RASAL2: variants seen among roughly 807,000 people sequenced by gnomAD.
RASAL2 encodes the protein RAS protein activator like 2.
Under a neutral mutation model 128.9 loss-of-function variants are expected in RASAL2, and 58 were observed. The ratio of observed to expected loss-of-function variants is 0.45; its 90% confidence interval spans 0.36 to 0.56. RASAL2 has a LOEUF of 0.56. RASAL2 is among the 20% of genes least tolerant of loss of function. RASAL2 has a pLI of 0.00. For synonymous variants in RASAL2, 561 were observed against 580.8 expected, an observed-to-expected ratio of 0.97 and a Z score of 0.49; for missense variants, 1,360 against 1,601.6, an observed-to-expected ratio of 0.85 and a Z score of 2.57.
chr1:178,208,857 G>A (rs1205063573), intron 1 of RASAL2, among the ~76,000 whole-genome samples: 1 of 152,116 alleles, frequency 6.6e-6, no homozygotes, highest in Non-Finnish European at 1.5e-5. Flanking sequence ...CGGCCCAGCT[G>A]TAAAATTCCT....
intron 3 of RASAL2, among the ~76,000 whole-genome samples, chr1:178,377,447 A>T (rs1029829021): frequency 6.6e-6 from 1 of 152,206 alleles, no homozygotes; most frequent in Non-Finnish European, 1.5e-5. Flanking sequence ...AAATCTAGAC[A>T]GTAAACTCTC....
chr1:178,419,004 C>T (rs895276623), intron 4 of RASAL2, among the ~76,000 whole-genome samples: 3 of 152,194 alleles, frequency 2.0e-5, no homozygotes, highest in Middle Eastern at 3.4e-3. Context: ...TTTTATGCCA[C>T]GAAGATTAGG....
At chr1:178,353,629 C>G (rs1468843497) in intron 3 of RASAL2, among the ~76,000 whole-genome samples, 1 of 152,176 alleles carries the variant, frequency 6.6e-6, no homozygotes, top group Non-Finnish European at 1.5e-5. Flanking sequence ...AAGCTTCTTA[C>G]ATATTTTAAG....
At chr1:178,194,395 C>G (rs974212284) in intron 1 of RASAL2, 1 of 223,440 alleles carries the variant, frequency 4.5e-6, no homozygotes. Flanking sequence ...TTGGGCATCT[C>G]TTAGCATGGA....
chr1:178,455,896 G>A (rs915658173), intron 12 of RASAL2, among the ~76,000 whole-genome samples: 1 of 152,198 alleles, frequency 6.6e-6, no homozygotes, highest in Non-Finnish European at 1.5e-5. Context: ...TAAAGAGTTC[G>A]TCTTTGTTGA....
At chr1:178,136,748 C>A (rs1353151121) in intron 1 of RASAL2, among the ~76,000 whole-genome samples, 2 of 81,972 alleles carry the variant, frequency 2.4e-5, no homozygotes, top group East Asian at 7.7e-4. Flanking sequence ...CAAAGTGAGA[C>A]TCTGTCTCAA....
chr1:178,174,537 TG>T (rs1661819203), intron 1 of RASAL2, among the ~76,000 whole-genome samples: 1 of 152,130 alleles, frequency 6.6e-6, no homozygotes, highest in South Asian at 2.1e-4. Flanking sequence ...GAAGAGTTAA[TG>T]GGTACTTTTC....
rs3979280 is a variant in RASAL2 at position 178,180,663 on chromosome 1, TCA to T, written c.202+85997_202+85998del. ...GCCTGGGTGATGGAGCGAGACTGTCTCACACACACACACACACACACACACAC... is the reference window on the plus strand; with the variant it reads ...GCCTGGGTGATGGAGCGAGACTGTCTCACACACACACACACACACACACAC... On this transcript the variant is annotated intron_variant, in intron 1 of 17. Transcript: ENST00000367649. 1.9e-4 allele frequency among the ~76,000 whole-genome samples: 27 copies of T among 139,210 alleles called. No homozygotes were observed. The East Asian group carries it at 3.5e-3, about 18-fold the overall frequency. 91.3% of individuals were successfully genotyped at this position (139,210 alleles called of 152,430 possible).
chr1:178,188,928 C>T (rs566906798), intron 1 of RASAL2, among the ~76,000 whole-genome samples: 6 of 152,130 alleles, frequency 3.9e-5, no homozygotes, highest in African/African-American at 1.4e-4. Flanking sequence ...ACTGAGTTCA[C>T]TTAATATAGA....
At chr1:178,333,195 A>G (rs1304334159) in intron 3 of RASAL2, among the ~76,000 whole-genome samples, 6 of 151,260 alleles carry the variant, frequency 4.0e-5, no homozygotes, top group Admixed American at 4.0e-4. Context: ...CTCCCGGCTA[A>G]TTTTTTGTAT....
At chr1:178,313,359 A>G (rs1571837524) in intron 3 of RASAL2, among the ~76,000 whole-genome samples, 1 of 152,202 alleles carries the variant, frequency 6.6e-6, no homozygotes, top group East Asian at 1.9e-4. Context: ...GATGTTAACT[A>G]CCAAAACAAT....
intron 9 of RASAL2, 63 bp from the exon 10 acceptor site, chr1:178,451,508 C>T: frequency 2.7e-6 from 4 of 1,496,192 alleles, no homozygotes; most frequent in Non-Finnish European, 3.6e-6. Context: ...AATCATAAGT[C>T]CTTTTATTCT....
chr1:178,383,694 T>C (rs768962193), intron 3 of RASAL2, among the ~76,000 whole-genome samples: 10 of 152,212 alleles, frequency 6.6e-5, no homozygotes, highest in Non-Finnish European at 1.3e-4. Flanking sequence ...GTTTCTTAAA[T>C]GTCTTCTGTG....
intron 1 of RASAL2, among the ~76,000 whole-genome samples, chr1:178,249,594 G>A (rs1002841814): frequency 6.6e-5 from 10 of 152,002 alleles, no homozygotes; most frequent in African/African-American, 2.2e-4. Flanking sequence ...CTGGACAGGA[G>A]TTGTGATCAT....
chr1:178,190,265 C>T (rs533134866), intron 1 of RASAL2, among the ~76,000 whole-genome samples: 2 of 142,632 alleles, frequency 1.4e-5, no homozygotes, highest in African/African-American at 6.1e-5. Flanking sequence ...ACGTATATGT[C>T]TATATTTTCC....
chr1:178,451,469 G>C lies in RASAL2; in HGVS notation c.1628-102G>C, dbSNP rs543840000. 36 of 1,267,108 alleles carry C rather than the reference G, an allele frequency of 2.8e-5. No homozygotes were observed. In the East Asian group the frequency reaches 8.8e-4, roughly 31 times the overall value. 78.5% of individuals were successfully genotyped at this position (1,267,108 alleles called of 1,614,324 possible). The stretch of plus-strand genomic sequence containing the variant: ...TGCCCTCCCTGTCAGATCTAGAAAA[G>C]AATTCCCCATTATACGTTTTAGGAC... On this transcript the variant is annotated intron_variant, in intron 9 of 17. Transcript: ENST00000367649.
chr1:178,096,984 G>T (rs570151620), intron 1 of RASAL2, among the ~76,000 whole-genome samples: 240 of 152,268 alleles, frequency 1.6e-3, no homozygotes, highest in Non-Finnish European at 2.7e-3. Context: ...GTAATAGAAT[G>T]TAGAAAAACA....
At chr1:178,326,487 G>A (rs1320267494) in intron 3 of RASAL2, among the ~76,000 whole-genome samples, 2 of 152,000 alleles carry the variant, frequency 1.3e-5, no homozygotes, top group African/African-American at 4.8e-5. Context: ...TGCTATTTCA[G>A]AATTGATTAT....
At chr1:178,339,544 C>A (rs752506788) in intron 3 of RASAL2, among the ~76,000 whole-genome samples, 1 of 152,082 alleles carries the variant, frequency 6.6e-6, no homozygotes, top group Non-Finnish European at 1.5e-5. Context: ...TCATTGGTTA[C>A]GAATAGCCTC....
Sources: gnomAD v4.1 joint callset for allele counts (sites outside exome capture counted in the v4.1 genomes callset) on GRCh38, gnomAD v4.1.1 for gene constraint, MANE v1.5 for transcripts, NCBI Gene and HGNC (gene_info 2026-07-23, HGNC 2026-07-21) for gene names.